Variants in CHRNB2 observed in about 807,000 individuals in gnomAD.
The protein encoded by CHRNB2 is cholinergic receptor nicotinic beta 2 subunit.
CHRNB2 carries 33 observed loss-of-function variants against 42.7 expected under a neutral mutation model. The ratio of observed to expected loss-of-function variants is 0.77; its 90% CI spans 0.59 to 1.03. The LOEUF is 1.03. Among genes scored for constraint, CHRNB2 ranks in the 50% least tolerant of loss-of-function variants. The pLI, the probability that CHRNB2 is intolerant of heterozygous loss-of-function variation, is 0.00. For synonymous variants in CHRNB2, 325 were observed against 292.9 expected (o/e 1.11, Z -1.12); for missense variants, 603 against 700.9 (o/e 0.86, Z 1.58).
Position 154,571,871 on chromosome 1 carries a change from C to A in CHRNB2, c.1048C>A (p.Gln350Lys). ...GAAGCTGCCCGCGCTGCTCTTCATG[C>A]AGCAGCCACGCCATCATTGCGCCCG... Reference protein sequence around the residue: ...LEKLPALLFMQQPRHHCARQR... With the variant: ...LEKLPALLFMKQPRHHCARQR... The change falls in exon 5 of 6, where the codon CAG becomes AAG. Residue 350 changes from glutamine (Q) to lysine (K), a missense_variant. Transcript: ENST00000368476. This position sits in a 1 kb window ranked among gnomAD's most constrained non-coding sequence, Gnocchi z 6.8. The A allele has an allele frequency of 1.2e-6, 2 of 1,602,432 alleles. No individual in the cohort carries two copies. Among genetic ancestry groups the A allele is most frequent in the Non-Finnish European group, 1.7e-6 (2 of 1,176,908 alleles).
Position 154,575,868 on chromosome 1 carries a change from T to C in CHRNB2, c.1445T>C (p.Leu482Pro), listed in dbSNP as rs1333809292. Residue 482 changes from leucine to proline, a missense_variant, in exon 6 of 6, where the codon CTC becomes CCC. Leu to Pro is a moderately conservative substitution (Grantham distance 98). This residue lies in a region of CHRNB2 where 270 missense variants were observed against 248.3 expected (regional missense o/e 1.09). Transcript: ENST00000368476. ...FGTIGMFLQPLFQNYTTTTFL... is the reference protein window; with the variant it reads ...FGTIGMFLQPPFQNYTTTTFL... ...ACCATCGGCATGTTCCTGCAGCCTC[T>C]CTTCCAGAACTACACCACCACCACC... is the stretch of plus-strand genomic sequence containing the variant. 1 of 1,614,132 alleles carries C rather than the reference T, an allele frequency of 6.2e-7. No homozygotes were observed. Among genetic ancestry groups the C allele is most frequent in the African/African-American group, 1.3e-5 (1 of 75,010 alleles).
In CHRNB2 at chr1:154,568,050, C is replaced by T; in HGVS notation, c.6C>T (p.Ala2=). 1 of 1,596,820 alleles carries T rather than the reference C, an allele frequency of 6.3e-7. No individual in the cohort carries two copies. The highest frequency in any genetic ancestry group is 8.5e-7 in the Non-Finnish European group (1 of 1,173,744). The change falls in exon 1 of 6, where the codon GCC becomes GCT. Residue 2 remains alanine (A), a synonymous_variant. Coordinates refer to ENST00000368476, the MANE Select transcript of CHRNB2 (RefSeq NM_000748.3). M[A]RRCGPVALLL... ...CAGCGAGCTATGCCCGCGGCATGGC[C>T]CGGCGCTGCGGCCCCGTGGCGCTGC...
At chr1:154,569,336 G>A (rs1313763110) in intron 1 of CHRNB2, 126 bp from the exon 2 acceptor site, 3 of 1,132,568 alleles carry the variant, frequency 2.6e-6, no homozygotes, top group Admixed American at 3.9e-5. Flanking sequence ...TAAGCATTTT[G>A]CAGTATCCTT....
chr1:154,568,159 C>T (rs1029666354), intron 1 of CHRNB2, 51 bp downstream of exon 1: 1 of 1,552,118 alleles, frequency 6.4e-7, no homozygotes, highest in African/African-American at 1.4e-5. Context: ...GCCAACGGCC[C>T]AAGACTCGCC....
intron 5 of CHRNB2, among the ~76,000 whole-genome samples, chr1:154,575,133 C>CTA (rs1367374296): frequency 6.6e-6 from 1 of 152,230 alleles, no homozygotes; most frequent in African/African-American, 2.4e-5. Context: ...ACTTAACTCA[C>CTA]TAAAGCATCA....
rs908723251 is a variant in CHRNB2 at position 154,572,079 on chromosome 1, C to A, written c.1256C>A (p.Pro419Gln). ...GCGGGCCCCGGGCGCTCAGGGGAGC[C>A]GTGTGGCTGTGGCCTCCGGGAGGCG... The part of the protein sequence containing the change: ...PVAGPGRSGE[P>Q]CGCGLREAVD... Residue 419 changes from proline (P) to glutamine (Q), a missense_variant, in exon 5 of 6, where the codon CCG becomes CAG. Physicochemically the swap from Pro to Gln is moderately conservative, Grantham distance 76 (BLOSUM62 -1). Transcript: ENST00000368476. 6.5e-7 allele frequency: 1 copy of A among 1,535,744 alleles called. No individual in the cohort carries two copies. The highest frequency in any genetic ancestry group is 8.7e-7 in the Non-Finnish European group (1 of 1,146,314).
chr1:154,571,553 C>T lies in CHRNB2; in HGVS notation c.730C>T (p.Pro244Ser). ...CTTCTACACCATCAACCTCATCATC[C>T]CCTGTGTGCTCATCACCTCGCTAGC... ...PLFYTINLII[P>S]CVLITSLAIL... The change falls in exon 5 of 6, where the codon CCC (proline) becomes TCC (serine). Residue 244 changes from proline to serine, a missense_variant. Around this residue, in one of 2 missense-constraint regions of CHRNB2, gnomAD observed 333 missense variants for 452.6 expected, o/e 0.74. Transcript: ENST00000368476. The surrounding 1 kb of genome is among the most constrained non-coding windows in gnomAD (Gnocchi z 6.8). 2 of 1,614,166 alleles carry T rather than the reference C, an allele frequency of 1.2e-6. No individual in the cohort carries two copies. Among genetic ancestry groups the T allele is most frequent in the Non-Finnish European group, 8.5e-7 (1 of 1,180,026 alleles).
intron 5 of CHRNB2, among the ~76,000 whole-genome samples, chr1:154,574,796 T>C (rs1276539944): frequency 1.3e-5 from 2 of 152,212 alleles, no homozygotes; most frequent in Non-Finnish European, 2.9e-5. Flanking sequence ...GTGCCAGGTA[T>C]ATAACAGGCA....
In CHRNB2 at chr1:154,575,855, T is replaced by C. The variant is rs79137415; in HGVS notation, c.1432T>C (p.Phe478Leu). The change falls in exon 6 of 6, where the codon TTC (phenylalanine) becomes CTC (leucine). Residue 478 changes from phenylalanine to leucine, a missense_variant. By Grantham distance (22) the Phe-to-Leu change is conservative (BLOSUM62 0). Transcript: ENST00000368476. ...CTGTGTCTTTGGCACCATCGGCATG[T>C]TCCTGCAGCCTCTCTTCCAGAACTA... The part of the protein sequence containing the change: ...FVCVFGTIGM[F>L]LQPLFQNYTT... The C allele has an allele frequency of 8.8e-4, 1,427 of 1,614,134 alleles. 39 individuals carry two copies. The Admixed American group carries it at 0.023, about 26-fold the overall frequency.
chr1:154,568,147 C>T (rs750573013), intron 1 of CHRNB2, 39 bp downstream of exon 1: 1 of 1,571,842 alleles, frequency 6.4e-7, no homozygotes, highest in Non-Finnish European at 8.6e-7. Flanking sequence ...TCTCCTACCC[C>T]AGCCAACGGC....
At chr1:154,574,447 T>G (rs910078468) in intron 5 of CHRNB2, among the ~76,000 whole-genome samples, 1 of 152,234 alleles carries the variant, frequency 6.6e-6, no homozygotes, top group Admixed American at 6.5e-5. Context: ...TCCTTCAATC[T>G]GGAACAGTTC....
rs1445123104 is a variant in CHRNB2, at chr1:154,578,411, C to T, written c.*2479C>T. Reference sequence around the variant, plus strand: ...ACGAGTAAACAGGCCTAGAGCTTGTCTGCTGTTTGACCTCTTTTAAGACCC... The same window carrying T: ...ACGAGTAAACAGGCCTAGAGCTTGTTTGCTGTTTGACCTCTTTTAAGACCC... On this transcript the variant is annotated 3_prime_UTR_variant, in exon 6 of 6. Transcript: ENST00000368476. 1.3e-5 allele frequency: 2 copies of T among 152,276 alleles called. No individual in the cohort carries two copies. The highest frequency in any genetic ancestry group is 2.9e-5 in the Non-Finnish European group (2 of 68,058). 9.4% of individuals were successfully genotyped at this position (152,276 alleles called of 1,614,324 possible).
Position 154,572,063 on chromosome 1 carries a change from G to C in CHRNB2, c.1240G>C (p.Gly414Arg), listed in dbSNP as rs1024048381. 2.6e-6 allele frequency: 4 copies of C among 1,533,676 alleles called. No homozygotes were observed. The African/African-American group carries it at 5.5e-5, about 21-fold the overall frequency. ...GAEPAPVAGP[G>R]RSGEPCGCGL... ...TGAGCCTGCACCAGTGGCGGGCCCCGGGCGCTCAGGGGAGCCGTGTGGCTG... is the reference window on the plus strand; with the variant it reads ...TGAGCCTGCACCAGTGGCGGGCCCCCGGCGCTCAGGGGAGCCGTGTGGCTG... The change falls in exon 5 of 6, where the codon GGG becomes CGG. Residue 414 changes from glycine to arginine, a missense_variant. This residue lies in a region of CHRNB2 where 270 missense variants were observed against 248.3 expected (regional missense o/e 1.09). Transcript: ENST00000368476.
At position 154,569,455 on chromosome 1, in the gene CHRNB2, T is replaced by C; in HGVS notation, c.65-7T>C. 6.2e-7 allele frequency: 1 copy of C among 1,613,688 alleles called. No homozygotes were observed. Among genetic ancestry groups the C allele is most frequent in the Non-Finnish European group, 8.5e-7 (1 of 1,179,968 alleles). ...GCTTACTTTCGTCCTGCCTTTCCCC[T>C]GCCCAGGGGTGTGGGGTACGGATAC... On this transcript the variant is annotated splice_region_variant and splice_polypyrimidine_tract_variant and intron_variant, in intron 1 of 5. Coordinates refer to ENST00000368476, the MANE Select transcript of CHRNB2 (RefSeq NM_000748.3).
chr1:154,571,881 G>A lies in CHRNB2; in HGVS notation c.1058G>A (p.Arg353His), dbSNP rs200924076. ...LPALLFMQQP[R>H]HHCARQRLRL... ...GCGCTGCTCTTCATGCAGCAGCCAC[G>A]CCATCATTGCGCCCGTCAGCGCCTG... The change falls in exon 5 of 6, where the codon CGC becomes CAC. Residue 353 changes from arginine (R) to histidine (H), a missense_variant. Transcript: ENST00000368476. This position sits in a 1 kb window ranked among gnomAD's most constrained non-coding sequence, Gnocchi z 6.8. The A allele has an allele frequency of 1.3e-6, 2 of 1,596,680 alleles. No individual in the cohort carries two copies. Among genetic ancestry groups the A allele is most frequent in the African/African-American group, 2.7e-5 (2 of 74,552 alleles).
chr1:154,567,954 T>G lies in CHRNB2; in HGVS notation c.-91T>G, dbSNP rs1227607557. On this transcript the variant is annotated 5_prime_UTR_variant, in exon 1 of 6. Transcript: ENST00000368476. The stretch of plus-strand genomic sequence containing the variant: ...GGACCCAGCTCCAGGCGGGCGCGGC[T>G]TCAGCACCACGGACAGCGCCCCACC... The G allele has an allele frequency of 7.9e-7, 1 of 1,262,842 alleles. No homozygotes were observed. The highest frequency in any genetic ancestry group is 3.1e-5 in the East Asian group (1 of 32,654). 78.2% of individuals were successfully genotyped at this position (1,262,842 alleles called of 1,614,324 possible). A position where few individuals can be genotyped will look rare whatever the true frequency, so the allele number is the denominator to read the frequency against.
chr1:154,572,208 C>T (rs1171193314), intron 5 of CHRNB2, 47 bp downstream of exon 5: 9 of 1,533,732 alleles, frequency 5.9e-6, no homozygotes, highest in Admixed American at 3.9e-5. Flanking sequence ...TGGGGTCTGC[C>T]AGGGCCCGGG....
chr1:154,572,024 G>A lies in CHRNB2; in HGVS notation c.1201G>A (p.Gly401Arg), dbSNP rs902984484. 11 of 1,533,286 alleles carry A rather than the reference G, an allele frequency of 7.2e-6. No homozygotes were observed. The highest frequency in any genetic ancestry group is 4.9e-5 in the East Asian group (2 of 40,816). The allele number at this position is 1,533,286 out of a possible 1,614,324, so 95.0% of individuals were successfully genotyped here. A position where few individuals can be genotyped will look rare whatever the true frequency, so the allele number is the denominator to read the frequency against. ...VNRASVQGLA[G>R]AFGAEPAPVA... ...CCGCGCGTCGGTGCAGGGGTTGGCC[G>A]GGGCCTTCGGGGCTGAGCCTGCACC... The change falls in exon 5 of 6, where the codon GGG becomes AGG. Residue 401 changes from glycine (G) to arginine (R), a missense_variant. By Grantham distance (125) the Gly-to-Arg change is moderately radical. Around this residue, in one of 2 missense-constraint regions of CHRNB2, gnomAD observed 270 missense variants for 248.3 expected, o/e 1.09. Coordinates refer to ENST00000368476, the MANE Select transcript of CHRNB2 (RefSeq NM_000748.3).
Position 154,579,436 on chromosome 1 carries a change from G to A in CHRNB2, c.*3504G>A, listed in dbSNP as rs1170293827. The A allele has an allele frequency of 6.6e-6, 1 of 152,260 alleles. No individual in the cohort carries two copies. The highest frequency in any genetic ancestry group is 1.5e-5 in the Non-Finnish European group (1 of 68,086). The allele number at this position is 152,260 out of a possible 1,614,324, so 9.4% of individuals were successfully genotyped here. A position where few individuals can be genotyped will look rare whatever the true frequency, so the allele number is the denominator to read the frequency against. The stretch of plus-strand genomic sequence containing the variant: ...TCCACACTCTTGCTATAGCCGCTGA[G>A]GCAGGCAGAAGAGCTCCTTGGGAGG... On this transcript the variant is annotated 3_prime_UTR_variant, in exon 6 of 6. Transcript: ENST00000368476.
Sources: gnomAD v4.1 joint callset for allele counts (sites outside exome capture counted in the v4.1 genomes callset) on GRCh38, gnomAD v4.1.1 for gene constraint, gnomAD v4.1.1 regional missense constraint, Gnocchi (gnomAD v3.1) non-coding constraint, MANE v1.5 for transcripts, NCBI Gene and HGNC (gene_info 2026-07-23, HGNC 2026-07-21) for gene names.